Variants in GALK2 observed in about 807,000 individuals in gnomAD.
GALK2 encodes the protein galactokinase 2.
In GALK2, 36 loss-of-function variants were observed where a neutral mutation model predicts 52.4. The observed-to-expected ratio is 0.69, with a 90% CI of 0.53 to 0.91. GALK2 has a LOEUF of 0.91. Among genes scored for constraint, GALK2 ranks in the 40% least tolerant of loss-of-function variants. The pLI, the probability that GALK2 is intolerant of heterozygous loss-of-function variation, is 0.00. For missense variants in GALK2, 579 were observed against 559.1 expected (o/e 1.04, Z -0.36); for synonymous variants, 176 against 199.1 (o/e 0.88, Z 0.98).
chr15:49,316,564 T>C (rs530761440), intron 8 of GALK2, among the ~76,000 whole-genome samples: 133 of 152,040 alleles, frequency 8.7e-4, no homozygotes, highest in Non-Finnish European at 1.4e-3. Context: ...TGTATACATA[T>C]GTAACAAACC....
intron 5 of GALK2, among the ~76,000 whole-genome samples, chr15:49,258,782 A>G (rs1361914935): frequency 9.8e-6 from 1 of 102,090 alleles, no homozygotes; most frequent in Non-Finnish European, 1.9e-5. Context: ...GGAAGCATAT[A>G]TATATATATA....
intron 1 of GALK2, among the ~76,000 whole-genome samples, chr15:49,173,473 G>A (rs1177100265): frequency 6.6e-6 from 1 of 152,070 alleles, no homozygotes; most frequent in Non-Finnish European, 1.5e-5. Flanking sequence ...AGTATATTCA[G>A]TAAAGCCTGA....
intron 5 of GALK2, among the ~76,000 whole-genome samples, chr15:49,250,893 A>G (rs1344426380): frequency 1.3e-5 from 2 of 152,212 alleles, no homozygotes; most frequent in Non-Finnish European, 1.5e-5. Flanking sequence ...AAACGGTTGG[A>G]TTCTCAGGAT....
intron 5 of GALK2, among the ~76,000 whole-genome samples, chr15:49,264,922 G>A (rs1239578873): frequency 2.0e-5 from 3 of 152,174 alleles, no homozygotes; most frequent in Admixed American, 6.5e-5. Context: ...CTGTCTGATC[G>A]TTCCTCTGGT....
intron 2 of GALK2, among the ~76,000 whole-genome samples, chr15:49,205,913 G>A (rs1325621450): frequency 6.6e-6 from 1 of 152,112 alleles, no homozygotes; most frequent in Non-Finnish European, 1.5e-5. Context: ...TTTGTGTAAG[G>A]TGAGAGATGG....
chr15:49,294,140 C>CAAATAAATAAATAAATAAATAAAT (rs10677248), intron 8 of GALK2, among the ~76,000 whole-genome samples: 2 of 139,864 alleles, frequency 1.4e-5, no homozygotes, highest in Non-Finnish European at 3.1e-5. Flanking sequence ...GACCCTGTCT[C>CAAATAAATAAATAAATAAATAAAT]AAATAAATAA....
intron 5 of GALK2, among the ~76,000 whole-genome samples, chr15:49,240,534 C>T (rs1225718193): frequency 6.6e-6 from 1 of 152,094 alleles, no homozygotes; most frequent in Non-Finnish European, 1.5e-5. Context: ...TCTATGGGAG[C>T]AGATATAACC....
At chr15:49,174,428 C>T (rs549979183) in intron 1 of GALK2, among the ~76,000 whole-genome samples, 11 of 152,294 alleles carry the variant, frequency 7.2e-5, no homozygotes, top group African/African-American at 2.6e-4. Context: ...TCACCACAAC[C>T]ACCACTTGCC....
chr15:49,340,418 C>T (rs1009470772), intron 3 of GALK2, among the ~76,000 whole-genome samples: 3 of 143,732 alleles, frequency 2.1e-5, no homozygotes, highest in African/African-American at 7.7e-5. Context: ...CCCCCTCCCC[C>T]CCCCGCTTTG....
At chr15:49,198,992 C>T (rs1443863478) in intron 1 of GALK2, 1 of 152,028 alleles carries the variant, frequency 6.6e-6, no homozygotes, top group Non-Finnish European at 1.5e-5. Flanking sequence ...TTGACCTGCT[C>T]CATTTCCCTC....
chr15:49,351,605 G>A (rs118162295), intron 3 of GALK2, among the ~76,000 whole-genome samples: 4,250 of 152,290 alleles, frequency 0.028, 94 homozygotes, highest in Middle Eastern at 0.044. Context: ...TGGGTTTTCC[G>A]GAAAGCGGAC....
intron 1 of GALK2, chr15:49,170,670 C>A: frequency 2.7e-6 from 1 of 366,064 alleles, no homozygotes; most frequent in Non-Finnish European, 5.0e-6. Flanking sequence ...AGCAGAAATG[C>A]CCATATCCAC....
At chr15:49,217,467 C>A (rs1453557154) in intron 3 of GALK2, among the ~76,000 whole-genome samples, 154 bp downstream of exon 3, 4 of 152,060 alleles carry the variant, frequency 2.6e-5, no homozygotes, top group Non-Finnish European at 4.4e-5. Context: ...ATTTATTGTT[C>A]ATTTTGTTCA....
At chr15:49,266,969 G>T (rs1486274091) in intron 5 of GALK2, among the ~76,000 whole-genome samples, 2 of 152,208 alleles carry the variant, frequency 1.3e-5, no homozygotes, top group African/African-American at 4.8e-5. Flanking sequence ...ATTGAGAGTA[G>T]TGGCTGGGAC....
At chr15:49,246,569 T>G (rs1354435331) in intron 5 of GALK2, among the ~76,000 whole-genome samples, 1 of 152,118 alleles carries the variant, frequency 6.6e-6, no homozygotes, top group Admixed American at 6.6e-5. Context: ...CAGCTGGGAA[T>G]AGTGGGGTAG....
intron 8 of GALK2, among the ~76,000 whole-genome samples, chr15:49,313,917 G>A (rs2036201157): frequency 1.3e-5 from 2 of 152,060 alleles, no homozygotes; most frequent in South Asian, 4.1e-4. Context: ...ATAAAGAAGA[G>A]GCCACTAGCC....
intron 1 of GALK2, among the ~76,000 whole-genome samples, chr15:49,159,699 G>GT (rs1287781907): frequency 6.6e-6 from 1 of 151,724 alleles, no homozygotes; most frequent in Non-Finnish European, 1.5e-5. Flanking sequence ...AGTTATATTT[G>GT]TGACAATAAT....
intron 8 of GALK2, among the ~76,000 whole-genome samples, chr15:49,293,088 G>A (rs2034103760): frequency 6.6e-6 from 1 of 152,188 alleles, no homozygotes; most frequent in African/African-American, 2.4e-5. Flanking sequence ...TAGACTAGAG[G>A]TTATCTATTT....
chr15:49,337,486 G>A (rs2039934624), intron 3 of GALK2, among the ~76,000 whole-genome samples: 1 of 21,522 alleles, frequency 4.6e-5, no homozygotes, highest in Non-Finnish European at 1.1e-4. Flanking sequence ...CACTTGCAAT[G>A]TCTGTTCATA....
Sources: gnomAD v4.1 joint callset for allele counts (sites outside exome capture counted in the v4.1 genomes callset) on GRCh38, gnomAD v4.1.1 for gene constraint, MANE v1.5 for transcripts, NCBI Gene and HGNC (gene_info 2026-07-23, HGNC 2026-07-21) for gene names.